Variants in NAA25 observed in about 807,000 individuals in gnomAD.
The protein encoded by NAA25 is N-alpha-acetyltransferase 25, NatB auxiliary subunit.
A neutral mutation model predicts 132.5 loss-of-function variants in NAA25; 30 were observed. That is an observed-to-expected ratio of 0.23 (90% confidence interval 0.17 to 0.31). NAA25 has a LOEUF of 0.31. Ranked by LOEUF, NAA25 falls within the 10% of genes least tolerant of loss-of-function variation. NAA25 has a pLI of 1.00. For missense variants in NAA25, 771 were observed against 1,150.4 expected (o/e 0.67, Z 4.77); for synonymous variants, 359 against 401.9 (o/e 0.89, Z 1.28).
intron 10 of NAA25, 187 bp from the exon 11 acceptor site, chr12:112,069,179 C>G: frequency 1.9e-6 from 1 of 535,294 alleles, no homozygotes; most frequent in Non-Finnish European, 3.3e-6. Flanking sequence ...ACTCTTTCCC[C>G]CTTTTCACCA....
chr12:112,039,183 T>G (rs772445420), intron 22 of NAA25, 46 bp downstream of exon 22: 5 of 1,182,078 alleles, frequency 4.2e-6, no homozygotes, highest in Non-Finnish European at 6.1e-6. Context: ...AAAAGTAGCA[T>G]GTGGTCAGAT....
intron 21 of NAA25, chr12:112,040,080 G>C (rs914347009): frequency 1.9e-5 from 3 of 157,536 alleles, no homozygotes; most frequent in African/African-American, 7.2e-5. Context: ...AGAGGAGGGA[G>C]TTTTGCTGTA....
intron 1 of NAA25, among the ~76,000 whole-genome samples, chr12:112,099,402 C>T (rs1440174128): frequency 6.6e-6 from 1 of 151,796 alleles, no homozygotes; most frequent in East Asian, 1.9e-4. Context: ...TATTTTCCTA[C>T]AGCAAGTGAT....
chr12:112,078,888 C>T (rs2078930947), intron 5 of NAA25, 147 bp from the exon 6 acceptor site: 17 of 628,780 alleles, frequency 2.7e-5, no homozygotes, highest in South Asian at 9.2e-5. Context: ...AGGTACATTA[C>T]GGAGCAGTTT....
At chr12:112,070,098 A>G (rs184347087) in intron 10 of NAA25, among the ~76,000 whole-genome samples, 60 of 152,342 alleles carry the variant, frequency 3.9e-4, no homozygotes, top group African/African-American at 1.3e-3. Context: ...ACTATACTCC[A>G]GCATGGGCAA....
chr12:112,095,223 G>A, intron 1 of NAA25, among the ~76,000 whole-genome samples: 1 of 151,906 alleles, frequency 6.6e-6, no homozygotes, highest in Non-Finnish European at 1.5e-5. Context: ...GGATCACGAG[G>A]TCAGGAGATT....
In NAA25 at chr12:112,071,908, A is replaced by T; in HGVS notation, c.1023T>A (p.Asp341Glu). The T allele has an allele frequency of 1.9e-6, 3 of 1,612,604 alleles. No individual in the cohort carries two copies. Among genetic ancestry groups the T allele is most frequent in the Non-Finnish European group, 1.7e-6 (2 of 1,179,408 alleles). Residue 341 changes from aspartate (D) to glutamate (E), a missense_variant, in exon 10 of 24, where the codon GAT becomes GAA. Around this residue, in one of 3 missense-constraint regions of NAA25, gnomAD observed 417 missense variants for 733.8 expected, o/e 0.57. Coordinates refer to ENST00000261745, the MANE Select transcript of NAA25 (RefSeq NM_024953.4). ...IRRLRSQGCN[D>E]EYKLGDPEEL... ...ATGGTTTCTTACCCAGTTTGTACTC[A>T]TCGTTACAACCTTGACTTCGTAAAC...
intron 11 of NAA25, among the ~76,000 whole-genome samples, chr12:112,062,200 C>T (rs1451627344): frequency 6.6e-6 from 1 of 151,988 alleles, no homozygotes; most frequent in Non-Finnish European, 1.5e-5. Context: ...AGTTCAAGAC[C>T]AGCTGGGCCA....
intron 22 of NAA25, chr12:112,034,902 T>C (rs941319376): frequency 2.6e-5 from 4 of 151,982 alleles, no homozygotes; most frequent in Non-Finnish European, 5.9e-5. Context: ...ATTTATAATA[T>C]TCAAAAATTA....
chr12:112,036,035 C>T (rs1001442143), intron 22 of NAA25, among the ~76,000 whole-genome samples: 1 of 152,060 alleles, frequency 6.6e-6, no homozygotes, highest in Admixed American at 6.6e-5. Context: ...AAACAAAAGA[C>T]CCCCATTGAT....
At chr12:112,107,479 T>C (rs545481422) in intron 1 of NAA25, among the ~76,000 whole-genome samples, 2 of 151,208 alleles carry the variant, frequency 1.3e-5, no homozygotes, top group Non-Finnish European at 2.9e-5. Flanking sequence ...AGATAACCCA[T>C]ATAAAAGGCC....
At position 112,027,793 on chromosome 12, in the gene NAA25, A is replaced by C. The variant is rs2078103419; in HGVS notation, c.*1738T>G. On this transcript the variant is annotated 3_prime_UTR_variant, in exon 24 of 24. Coordinates refer to ENST00000261745, the MANE Select transcript of NAA25 (RefSeq NM_024953.4). ...CAGACACACACAAAGTTCCATCTTA[A>C]ACAGGCCATAGTTTTATGAAAGAAT... The C allele has an allele frequency of 6.6e-6, 1 of 152,300 alleles. No individual in the cohort carries two copies. Among genetic ancestry groups the C allele is most frequent in the Non-Finnish European group, 1.5e-5 (1 of 68,040 alleles). 9.4% of individuals were successfully genotyped at this position (152,300 alleles called of 1,614,324 possible).
At chr12:112,085,278 G>C (rs2079029479) in intron 4 of NAA25, among the ~76,000 whole-genome samples, 1 of 151,974 alleles carries the variant, frequency 6.6e-6, no homozygotes, top group Admixed American at 6.6e-5. Context: ...TGCAATCCCA[G>C]CTACTCGGGA....
At chr12:112,045,419 G>A (rs1378629216) in intron 17 of NAA25, among the ~76,000 whole-genome samples, 2 of 151,694 alleles carry the variant, frequency 1.3e-5, no homozygotes, top group Admixed American at 6.6e-5. Flanking sequence ...CCCGGGAGGC[G>A]GAGGTTGCAG....
chr12:112,060,373 A>T lies in NAA25; in HGVS notation c.1358-14T>A. The T allele has an allele frequency of 1.3e-6, 2 of 1,541,434 alleles. No individual in the cohort carries two copies. The highest frequency in any genetic ancestry group is 1.8e-6 in the Non-Finnish European group (2 of 1,115,104). ...AACAGGTTTTCCCTATGGGGGAAAA[A>T]AATCATATCTATTTTAACATTTGTT... is the stretch of plus-strand genomic sequence containing the variant. On this transcript the variant is annotated splice_polypyrimidine_tract_variant and intron_variant, in intron 12 of 23. Coordinates refer to ENST00000261745, the MANE Select transcript of NAA25 (RefSeq NM_024953.4).
intron 21 of NAA25, chr12:112,040,219 T>C: frequency 3.3e-6 from 1 of 298,790 alleles, no homozygotes. Flanking sequence ...AACAGCTAGA[T>C]TTGAGGTGAA....
At chr12:112,047,527 C>T (rs2078405550) in intron 17 of NAA25, 138 bp downstream of exon 17, 2 of 1,063,630 alleles carry the variant, frequency 1.9e-6, no homozygotes, top group Admixed American at 2.7e-5. Context: ...CCACCGTGCC[C>T]AGCCCAACCT....
rs960137606 is a variant in NAA25 at position 112,028,629 on chromosome 12, T to C, written c.*902A>G. ...TCTTAATTTTCAAGTCATATATATATGTGTATATATATATATGTATATATA... is the reference window on the plus strand; with the variant it reads ...TCTTAATTTTCAAGTCATATATATACGTGTATATATATATATGTATATATA... On this transcript the variant is annotated 3_prime_UTR_variant, in exon 24 of 24. Coordinates refer to ENST00000261745, the MANE Select transcript of NAA25 (RefSeq NM_024953.4). 7.9e-5 allele frequency: 12 copies of C among 152,082 alleles called. No homozygotes were observed. The highest frequency in any genetic ancestry group is 1.7e-4 in the African/African-American group (7 of 41,400). 9.4% of individuals were successfully genotyped at this position (152,082 alleles called of 1,614,324 possible).
At chr12:112,033,400 G>C (rs750616598) in intron 22 of NAA25, 21 bp from the exon 23 acceptor site, 1 of 1,587,664 alleles carries the variant, frequency 6.3e-7, no homozygotes. Context: ...GATTAAAAAA[G>C]AGTTGAAACA....
Sources: allele counts gnomAD v4.1 joint callset (sites outside exome capture counted in the v4.1 genomes callset), GRCh38; gene constraint gnomAD v4.1.1; regional missense constraint gnomAD v4.1.1; transcripts MANE v1.5; gene names NCBI Gene and HGNC (gene_info 2026-07-23, HGNC 2026-07-21).